Variants in SLC30A7 observed in about 807,000 individuals in gnomAD.
The protein encoded by SLC30A7 is zinc transporter 7.
SLC30A7 carries 35 observed loss-of-function variants against 46.0 expected under a neutral mutation model. The observed-to-expected ratio is 0.76, with a 90% confidence interval of 0.58 to 1.01. The LOEUF (loss-of-function observed/expected upper bound fraction) is 1.01, where lower values mean the gene tolerates loss of function less well. SLC30A7 is among the 50% of genes least tolerant of loss of function. SLC30A7 has a pLI of 0.00. For missense variants in SLC30A7, 464 were observed against 451.1 expected (o/e 1.03, Z -0.26); for synonymous variants, 147 against 157.8 (o/e 0.93, Z 0.51).
chr1:100,992,714 C>T, the SLC30A7 span: 29 of 1,613,164 alleles, frequency 1.8e-5, no homozygotes, highest in Admixed American at 1.7e-5. Context: ...ACTCATATAC[C>T]GTGGAGGTTC....
chr1:100,926,694 T>A (rs752012715), intron 8 of SLC30A7, among the ~76,000 whole-genome samples: 10 of 152,208 alleles, frequency 6.6e-5, no homozygotes, highest in Non-Finnish European at 1.0e-4. Flanking sequence ...AAGCCCACCC[T>A]TTGAAGGTAA....
chr1:100,963,788 A>T lies in SLC30A7; in HGVS notation c.933+1870A>T, dbSNP rs186809449. ...GTCACATATGTCTAGTGACTTTTGA[A>T]TTGCACAGCATAGTTCTAGAACATG... On this transcript the variant is annotated intron_variant, in intron 9 of 10. Transcript: ENST00000357650. 6.9e-4 allele frequency among the ~76,000 whole-genome samples: 105 copies of T among 152,276 alleles called. 1 individual carries two copies. Among genetic ancestry groups the T allele is most frequent in the African/African-American group, 2.5e-3 (102 of 41,562 alleles).
chr1:100,935,602 T>A (rs1284387337), intron 8 of SLC30A7, among the ~76,000 whole-genome samples: 1 of 152,216 alleles, frequency 6.6e-6, no homozygotes, highest in Non-Finnish European at 1.5e-5. Context: ...ATACTTTATA[T>A]GAGGTTTTTA....
intron 8 of SLC30A7, among the ~76,000 whole-genome samples, chr1:100,951,082 G>A (rs138944711): frequency 1.3e-5 from 2 of 152,296 alleles, no homozygotes; most frequent in Non-Finnish European, 2.9e-5. Context: ...CTCAGTCGTT[G>A]GAAGACAGCT....
At chr1:100,921,930 T>C in intron 8 of SLC30A7, 89 bp downstream of exon 8, 1 of 1,209,804 alleles carries the variant, frequency 8.3e-7, no homozygotes, top group East Asian at 2.5e-5. Context: ...CAAATAATTA[T>C]GTTGGTTTTC....
At position 100,919,322 on chromosome 1, in the gene SLC30A7, G is replaced by T. The variant is rs148380898; in HGVS notation, c.706+1195G>T. ...TATTGTCAGGGTTTCCTAATTCCCA[G>T]CTATCTACTTGCCTTTATTAACTTT... is the stretch of plus-strand genomic sequence containing the variant. On this transcript the variant is annotated intron_variant, in intron 7 of 10. Coordinates refer to ENST00000357650, the MANE Select transcript of SLC30A7 (RefSeq NM_133496.5). Among the ~76,000 whole-genome samples the T allele has an allele frequency of 3.0e-3, 456 of 152,184 alleles. 3 individuals are homozygous for T. The highest frequency in any genetic ancestry group is 0.01 in the African/African-American group (433 of 41,534).
chr1:100,945,815 T>G (rs1416023671), intron 8 of SLC30A7, among the ~76,000 whole-genome samples: 1 of 152,230 alleles, frequency 6.6e-6, no homozygotes, highest in African/African-American at 2.4e-5. Flanking sequence ...TTTTTCCAAT[T>G]CTGTGAAGAC....
Position 100,980,328 on chromosome 1 carries a change from G to A in SLC30A7, c.*5471G>A, listed in dbSNP as rs1022900525. ...TTTTATACACACCTTTCAAAAGGAA[G>A]AAATCTGTTTCATAAATAGTAGTAA... On this transcript the variant is annotated 3_prime_UTR_variant, in exon 11 of 11. Coordinates refer to ENST00000357650, the MANE Select transcript of SLC30A7 (RefSeq NM_133496.5). 1.3e-5 allele frequency: 2 copies of A among 152,096 alleles called. No individual in the cohort carries two copies. Among genetic ancestry groups the A allele is most frequent in the African/African-American group, 4.8e-5 (2 of 41,452 alleles). 9.4% of individuals were successfully genotyped at this position (152,096 alleles called of 1,614,324 possible).
intron 8 of SLC30A7, among the ~76,000 whole-genome samples, chr1:100,926,639 T>G (rs1394689727): frequency 2.0e-5 from 3 of 152,222 alleles, no homozygotes; most frequent in Non-Finnish European, 4.4e-5. Flanking sequence ...GTGAAAATTT[T>G]AAACATTACT....
intron 8 of SLC30A7, among the ~76,000 whole-genome samples, chr1:100,949,911 A>G (rs1420864916): frequency 6.6e-6 from 1 of 152,288 alleles, no homozygotes; most frequent in African/African-American, 2.4e-5. Flanking sequence ...TCCCAGGTAC[A>G]GTCTGTCATG....
the SLC30A7 span, among the ~76,000 whole-genome samples, chr1:100,989,258 T>G: frequency 6.6e-6 from 1 of 152,252 alleles, no homozygotes; most frequent in Admixed American, 6.5e-5. Flanking sequence ...AAAACTTACA[T>G]TTTTAAAAAT....
At chr1:100,921,949 G>GTT in intron 8 of SLC30A7, 108 bp downstream of exon 8, 4 of 662,982 alleles carry the variant, frequency 6.0e-6, no homozygotes, top group South Asian at 5.6e-5. Flanking sequence ...TCCTTTGCTT[G>GTT]CTTTTTTTTT....
At chr1:100,933,909 C>T (rs2101048684) in intron 8 of SLC30A7, among the ~76,000 whole-genome samples, 1 of 152,310 alleles carries the variant, frequency 6.6e-6, no homozygotes, top group Non-Finnish European at 1.5e-5. Flanking sequence ...TTCCATGAAG[C>T]CTTTTCTTCC....
At chr1:100,896,410 G>A (rs1570490051) in intron 1 of SLC30A7, 68 bp downstream of exon 1, 1 of 1,550,412 alleles carries the variant, frequency 6.4e-7, no homozygotes, top group African/African-American at 1.4e-5. Flanking sequence ...ACCTCAGGAT[G>A]GCCCGAGGTC....
chr1:100,967,080 A>G (rs772215404), intron 10 of SLC30A7, among the ~76,000 whole-genome samples: 3 of 152,224 alleles, frequency 2.0e-5, no homozygotes, highest in African/African-American at 4.8e-5. Context: ...TTGGGAGAAT[A>G]AGAAGGTCAT....
At chr1:100,915,180 T>TTCCCTCCCTCCCTTCCTCCC (rs1452432960) in intron 6 of SLC30A7, among the ~76,000 whole-genome samples, 1 of 132,974 alleles carries the variant, frequency 7.5e-6, no homozygotes, top group Non-Finnish European at 1.6e-5. Flanking sequence ...TCTTTTTTCT[T>TTCCCTCCCTCCCTTCCTCCC]TTCTTTTCTT....
chr1:100,918,527 T>A (rs767138857), intron 7 of SLC30A7, among the ~76,000 whole-genome samples: 3 of 152,142 alleles, frequency 2.0e-5, no homozygotes, highest in Non-Finnish European at 2.9e-5. Flanking sequence ...CTATAAACAT[T>A]GTATAGATGC....
chr1:100,919,780 T>C (rs373979079), intron 7 of SLC30A7, among the ~76,000 whole-genome samples: 7 of 152,270 alleles, frequency 4.6e-5, no homozygotes, highest in African/African-American at 1.7e-4. Context: ...AGTAAATAGC[T>C]GAAGAACAGA....
At position 100,977,476 on chromosome 1, in the gene SLC30A7, A is replaced by G. The variant is rs1245879709; in HGVS notation, c.*2619A>G. The G allele has an allele frequency of 6.6e-6, 1 of 152,222 alleles. No homozygotes were observed. Among genetic ancestry groups the G allele is most frequent in the East Asian group, 1.9e-4 (1 of 5,206 alleles). The allele number at this position is 152,222 out of a possible 1,614,324, so 9.4% of individuals were successfully genotyped here. A position where few individuals can be genotyped will look rare whatever the true frequency, so the allele number is the denominator to read the frequency against. ...CTCTTAGGAAATATTTTGTCTTATT[A>G]GTGTTCTTGGCACATGTATATTACT... On this transcript the variant is annotated 3_prime_UTR_variant, in exon 11 of 11. Transcript: ENST00000357650.
Sources: gnomAD v4.1 joint callset for allele counts (sites outside exome capture counted in the v4.1 genomes callset) on GRCh38, gnomAD v4.1.1 for gene constraint, MANE v1.5 for transcripts, NCBI Gene and HGNC (gene_info 2026-07-23, HGNC 2026-07-21) for gene names.